Variants in FRK observed in about 807,000 individuals in gnomAD.
FRK encodes the protein fyn related Src family tyrosine kinase.
FRK carries 51 observed loss-of-function variants against 56.4 expected under a neutral mutation model. The observed-to-expected ratio is 0.90, with a 90% CI of 0.72 to 1.14. The LOEUF (loss-of-function observed/expected upper bound fraction) is 1.14. FRK is among the 50% of genes most tolerant of loss of function. The pLI is 0.00. For missense variants in FRK, 570 were observed against 601.4 expected (o/e 0.95, Z 0.55); for synonymous variants, 245 against 217.9 (o/e 1.12, Z -1.10).
At chr6:116,040,362 T>C (rs551822887) in intron 1 of FRK, among the ~76,000 whole-genome samples, 5 of 152,296 alleles carry the variant, frequency 3.3e-5, no homozygotes, top group African/African-American at 9.6e-5. Flanking sequence ...AATAATATCC[T>C]ATGGAAGTAT....
intron 1 of FRK, among the ~76,000 whole-genome samples, chr6:116,029,105 T>A (rs1352378566): frequency 6.6e-6 from 1 of 152,122 alleles, no homozygotes; most frequent in Non-Finnish European, 1.5e-5. Context: ...TTCTCTTTCC[T>A]CTGCCTGGAA....
chr6:116,046,444 T>C (rs1582753939), intron 1 of FRK, among the ~76,000 whole-genome samples: 1 of 152,204 alleles, frequency 6.6e-6, no homozygotes. Flanking sequence ...TGGAATACTA[T>C]GCAGCCATAA....
At chr6:115,955,270 A>C (rs1772939243) in intron 5 of FRK, among the ~76,000 whole-genome samples, 2 of 152,062 alleles carry the variant, frequency 1.3e-5, no homozygotes, top group Admixed American at 1.3e-4. Context: ...AGCCAAATGA[A>C]GGAAATGTTT....
chr6:115,956,671 G>C, intron 4 of FRK, 61 bp from the exon 5 acceptor site: 1 of 1,311,026 alleles, frequency 7.6e-7, no homozygotes, highest in Non-Finnish European at 1.0e-6. Flanking sequence ...CCTCACAGCA[G>C]CCTGGTGGGA....
the FRK span, among the ~76,000 whole-genome samples, chr6:116,077,755 T>C: frequency 6.6e-6 from 1 of 152,326 alleles, no homozygotes; most frequent in East Asian, 1.9e-4. Flanking sequence ...GATCTCGATG[T>C]CATCATGCCT....
intron 2 of FRK, among the ~76,000 whole-genome samples, chr6:115,992,254 T>C (rs1774642514): frequency 1.3e-5 from 2 of 151,716 alleles, no homozygotes; most frequent in Non-Finnish European, 3.0e-5. Flanking sequence ...CTAAGCATAA[T>C]GGTGTTTGTT....
intron 1 of FRK, 102 bp downstream of exon 1, chr6:116,059,866 G>T: frequency 1.0e-6 from 1 of 993,750 alleles, no homozygotes. Context: ...TACTTTTTAG[G>T]CAACTCTTTG....
chr6:116,066,035 C>T, the FRK span, among the ~76,000 whole-genome samples: 1 of 152,096 alleles, frequency 6.6e-6, no homozygotes, highest in Non-Finnish European at 1.5e-5. Flanking sequence ...TGTTCGATTG[C>T]AATTGTGATG....
chr6:116,000,294 G>C (rs1442589464), intron 2 of FRK, among the ~76,000 whole-genome samples: 2 of 123,388 alleles, frequency 1.6e-5, no homozygotes, highest in African/African-American at 6.2e-5. Context: ...CCAGGATGGA[G>C]TACAATGGCG....
At chr6:116,092,608 A>G in the FRK span, among the ~76,000 whole-genome samples, 1 of 152,168 alleles carries the variant, frequency 6.6e-6, no homozygotes, top group African/African-American at 2.4e-5. Flanking sequence ...CCTGTGGTGT[A>G]GGAGGAAAAC....
chr6:116,051,084 T>A (rs1394226736), intron 1 of FRK, among the ~76,000 whole-genome samples: 2 of 152,180 alleles, frequency 1.3e-5, no homozygotes, highest in African/African-American at 4.8e-5. Context: ...AAGTGGGATC[T>A]TCTGAATCTT....
In FRK at chr6:116,059,930, G is replaced by A. The variant is rs766698888; in HGVS notation, c.344+38C>T. The A allele has an allele frequency of 2.0e-6, 3 of 1,527,828 alleles. No homozygotes were observed. In the Admixed American group the frequency reaches 5.3e-5, roughly 27 times the overall value. The allele number at this position is 1,527,828 out of a possible 1,614,324, so 94.6% of individuals were successfully genotyped here. ...AGGAAAACTCATTACCCAGCCCTCA[G>A]AGAGTTCAGAAATTAAGTATAAGTT... On this transcript the variant is annotated intron_variant, in intron 1 of 7. Transcript: ENST00000606080.
chr6:115,960,237 C>T (rs1383900135), intron 4 of FRK, among the ~76,000 whole-genome samples: 28 of 150,946 alleles, frequency 1.9e-4, no homozygotes, highest in Admixed American at 1.5e-3. Flanking sequence ...ACCTGGGAAG[C>T]GCAAGGGGTC....
rs1235037787 is a variant in FRK at position 116,029,546 on chromosome 6, T to A, written c.345-25548A>T. 6.6e-5 allele frequency among the ~76,000 whole-genome samples: 10 copies of A among 152,120 alleles called. 1 individual carries two copies. The highest frequency in any genetic ancestry group is 6.6e-4 in the Admixed American group (10 of 15,260). On this transcript the variant is annotated intron_variant, in intron 1 of 7. Coordinates refer to ENST00000606080, the MANE Select transcript of FRK (RefSeq NM_002031.3). The stretch of plus-strand genomic sequence containing the variant: ...CAAATTCACTTTCATTTTTTTATTC[T>A]CTCTTTGCTCTTCAGAATAAAAGCT...
At chr6:116,029,141 A>G (rs1776208695) in intron 1 of FRK, among the ~76,000 whole-genome samples, 1 of 152,006 alleles carries the variant, frequency 6.6e-6, no homozygotes, top group African/African-American at 2.4e-5. Context: ...CCTTCAATTC[A>G]CCACCTCTGT....
In FRK at chr6:115,933,725, CATGAA is replaced by C. The variant is rs1771996934; in HGVS notation, c.*8684_*8688del. 1 of 152,106 alleles carries C rather than the reference CATGAA, an allele frequency of 6.6e-6. No individual in the cohort carries two copies. The highest frequency in any genetic ancestry group is 2.4e-5 in the African/African-American group (1 of 41,430). 9.4% of individuals were successfully genotyped at this position (152,106 alleles called of 1,614,324 possible). A position where few individuals can be genotyped will look rare whatever the true frequency, so the allele number is the denominator to read the frequency against. ...CTATATGTGCGCAAGAAAAATTAAA[CATGAA>C]ATGAATTCAAAGAAAAGGAACTATT... is the stretch of plus-strand genomic sequence containing the variant. On this transcript the variant is annotated 3_prime_UTR_variant, in exon 8 of 8. Coordinates refer to ENST00000606080, the MANE Select transcript of FRK (RefSeq NM_002031.3).
intron 1 of FRK, among the ~76,000 whole-genome samples, chr6:116,018,821 A>G (rs570926805): frequency 1.8e-4 from 28 of 152,262 alleles, no homozygotes; most frequent in African/African-American, 6.7e-4. Flanking sequence ...TACTCAGAGC[A>G]TAATAAAATC....
the FRK span, among the ~76,000 whole-genome samples, chr6:116,089,290 C>A: frequency 6.6e-6 from 1 of 152,216 alleles, no homozygotes; most frequent in African/African-American, 2.4e-5. Flanking sequence ...AATTTCCCCC[C>A]ACTCAGAAAG....
intron 4 of FRK, among the ~76,000 whole-genome samples, chr6:115,966,158 C>T (rs1773567285): frequency 6.8e-6 from 1 of 146,726 alleles, no homozygotes; most frequent in South Asian, 2.1e-4. Context: ...GAAAGGAAAA[C>T]ATAATTCTTC....
Sources: gnomAD v4.1 joint callset for allele counts (sites outside exome capture counted in the v4.1 genomes callset) on GRCh38, gnomAD v4.1.1 for gene constraint, MANE v1.5 for transcripts, NCBI Gene and HGNC (gene_info 2026-07-23, HGNC 2026-07-21) for gene names.